The following NALF1 variants were observed in gnomAD, a reference collection of about 807,000 sequenced individuals.
NALF1 encodes family with sequence similarity 155 member A.
Under a neutral mutation model 48.4 loss-of-function variants are expected in NALF1, and 3 were observed. The ratio of observed to expected loss-of-function variants is 0.06; its 90% CI spans 0.03 to 0.16. The LOEUF is 0.16. Ranked by LOEUF, NALF1 falls within the 10% of genes least tolerant of loss-of-function variation. The pLI is 1.00. For synonymous variants in NALF1, 262 were observed against 245.7 expected (o/e 1.07, Z -0.62); for missense variants, 526 against 571.5 (o/e 0.92, Z 0.81).
chr13:107,763,207 C>T (rs1039115563), intron 1 of NALF1, among the ~76,000 whole-genome samples: 10 of 151,790 alleles, frequency 6.6e-5, no homozygotes, highest in African/African-American at 2.2e-4. Context: ...AAATCAATAT[C>T]CCCGCAAGTA....
At chr13:107,180,947 G>A (rs545625283) in intron 2 of NALF1, among the ~76,000 whole-genome samples, 18 of 151,548 alleles carry the variant, frequency 1.2e-4, no homozygotes, top group Admixed American at 2.6e-4. Context: ...GTTACTTTGC[G>A]TCAATTTTGA....
chr13:107,542,789 A>T (rs1021175559), intron 1 of NALF1, among the ~76,000 whole-genome samples: 1 of 152,156 alleles, frequency 6.6e-6, no homozygotes, highest in Non-Finnish European at 1.5e-5. Context: ...TCTTAGCTTC[A>T]AATTTTTCTT....
At chr13:107,404,222 G>A (rs961591730) in intron 1 of NALF1, among the ~76,000 whole-genome samples, 5 of 151,882 alleles carry the variant, frequency 3.3e-5, no homozygotes, top group Non-Finnish European at 7.4e-5. Context: ...AGATTATTTC[G>A]ATCATTTCAT....
intron 1 of NALF1, among the ~76,000 whole-genome samples, chr13:107,795,692 A>G (rs1340482947): frequency 6.6e-6 from 1 of 152,230 alleles, no homozygotes; most frequent in Non-Finnish European, 1.5e-5. Flanking sequence ...ACTATAGTTT[A>G]TATAGCATTT....
At chr13:107,833,530 T>C (rs1879803986) in intron 1 of NALF1, among the ~76,000 whole-genome samples, 1 of 152,208 alleles carries the variant, frequency 6.6e-6, no homozygotes, top group South Asian at 2.1e-4. Flanking sequence ...GTACCAAATA[T>C]ATTTACTTTC....
At chr13:107,330,658 G>A (rs935098179) in intron 1 of NALF1, among the ~76,000 whole-genome samples, 7 of 152,104 alleles carry the variant, frequency 4.6e-5, no homozygotes, top group Non-Finnish European at 1.0e-4. Context: ...TGCAAGCCGC[G>A]GGGCTGTGTC....
At chr13:107,827,723 G>T (rs924126981) in intron 1 of NALF1, among the ~76,000 whole-genome samples, 1 of 151,906 alleles carries the variant, frequency 6.6e-6, no homozygotes, top group South Asian at 2.1e-4. Context: ...TTTATTCCAC[G>T]AACATTTTAT....
At chr13:107,356,046 T>A (rs184293414) in intron 1 of NALF1, among the ~76,000 whole-genome samples, 124 of 152,296 alleles carry the variant, frequency 8.1e-4, no homozygotes, top group East Asian at 1.2e-3. Flanking sequence ...TTATTGCCTT[T>A]CTTAAAGCCT....
At chr13:107,384,009 G>A (rs1427989436) in intron 1 of NALF1, among the ~76,000 whole-genome samples, 1 of 152,160 alleles carries the variant, frequency 6.6e-6, no homozygotes, top group Non-Finnish European at 1.5e-5. Context: ...AGCACTTTGG[G>A]AGGCTGAGGT....
At chr13:107,179,671 TAAAAA>T (rs3071017) in intron 2 of NALF1, among the ~76,000 whole-genome samples, 1 of 137,648 alleles carries the variant, frequency 7.3e-6, no homozygotes, top group East Asian at 2.2e-4. Context: ...TTTTGAAAAC[TAAAAA>T]AAAAAAAAAA....
At chr13:107,773,178 G>T (rs556163017) in intron 1 of NALF1, among the ~76,000 whole-genome samples, 99 of 152,200 alleles carry the variant, frequency 6.5e-4, no homozygotes, top group African/African-American at 1.9e-3. Context: ...GTTGACTATT[G>T]TTTTTCATTC....
rs562035395 is a variant in NALF1, at chr13:107,715,421, T to C, written c.915+150261A>G. On this transcript the variant is annotated intron_variant, in intron 1 of 2. Transcript: ENST00000375915. ...TTCTCCATGTTGATCAGGCTGGTCT[T>C]GAACTCCCGACCTCAGGTGATCTGC... 5.8e-4 allele frequency among the ~76,000 whole-genome samples: 88 copies of C among 152,264 alleles called. 1 individual carries two copies. Among genetic ancestry groups the C allele is most frequent in the Non-Finnish European group, 1.1e-3 (77 of 68,026 alleles).
intron 1 of NALF1, among the ~76,000 whole-genome samples, chr13:107,633,760 A>AATATATATATTTATATATGGAT (rs1879897297): frequency 6.8e-6 from 1 of 147,244 alleles, no homozygotes; most frequent in Non-Finnish European, 1.5e-5. Context: ...ATATATGGAA[A>AATATATATATTTATATATGGAT]ATATATATAT....
At chr13:107,521,834 G>A (rs1876248992) in intron 1 of NALF1, among the ~76,000 whole-genome samples, 1 of 151,960 alleles carries the variant, frequency 6.6e-6, no homozygotes, top group Non-Finnish European at 1.5e-5. Context: ...GTACTCTCCT[G>A]AAATTGGTCT....
At chr13:107,605,721 G>A (rs1467703123) in intron 1 of NALF1, among the ~76,000 whole-genome samples, 3 of 152,148 alleles carry the variant, frequency 2.0e-5, no homozygotes, top group Non-Finnish European at 4.4e-5. Context: ...CTTTTCCAAA[G>A]AGCTAGACAA....
chr13:107,783,812 A>G (rs1017196189), intron 1 of NALF1, among the ~76,000 whole-genome samples: 2 of 151,024 alleles, frequency 1.3e-5, no homozygotes, highest in Admixed American at 6.6e-5. Flanking sequence ...CTATTGTCCT[A>G]TGACCCTGCC....
chr13:107,185,375 T>A (rs1016072982), intron 2 of NALF1, among the ~76,000 whole-genome samples: 3 of 143,964 alleles, frequency 2.1e-5, no homozygotes, highest in South Asian at 2.3e-4. Context: ...TGCGTGTTAT[T>A]CCCCCCACCC....
chr13:107,784,306 C>G (rs896294004), intron 1 of NALF1, among the ~76,000 whole-genome samples: 3 of 152,186 alleles, frequency 2.0e-5, no homozygotes, highest in African/African-American at 7.2e-5. Flanking sequence ...CTGCAGGTAA[C>G]TACTGAAACA....
At chr13:107,466,121 A>G (rs1385458356) in intron 1 of NALF1, 1 of 152,360 alleles carries the variant, frequency 6.6e-6, no homozygotes, top group African/African-American at 2.4e-5. Flanking sequence ...TCCCCTTTTT[A>G]AAACCATCAG....
Sources: gnomAD v4.1 joint callset for allele counts (sites outside exome capture counted in the v4.1 genomes callset) on GRCh38, gnomAD v4.1.1 for gene constraint, MANE v1.5 for transcripts, NCBI Gene and HGNC (gene_info 2026-07-23, HGNC 2026-07-21) for gene names.